The following MAGI2 variants were observed in gnomAD, a reference collection of about 807,000 sequenced individuals.
The protein encoded by MAGI2 is membrane-associated guanylate kinase, WW and PDZ domain-containing protein 2.
Under a neutral mutation model 133.3 loss-of-function variants are expected in MAGI2, and 35 were observed. The observed-to-expected ratio is 0.26, with a 90% CI of 0.20 to 0.35. MAGI2 has a LOEUF of 0.35. Among genes scored for constraint, MAGI2 ranks in the 10% least tolerant of loss-of-function variants. MAGI2 has a pLI of 1.00. For synonymous variants in MAGI2, 729 were observed against 710.6 expected (o/e 1.03, Z -0.41); for missense variants, 1,636 against 1,863.4 (o/e 0.88, Z 2.25).
intron 21 of MAGI2, among the ~76,000 whole-genome samples, chr7:78,055,257 G>C (rs1278554110): frequency 1.3e-5 from 2 of 152,190 alleles, no homozygotes; most frequent in Non-Finnish European, 2.9e-5. Flanking sequence ...AAGGCAAAAA[G>C]AAAGCCATGA....
At chr7:78,076,727 TC>T (rs1815349381) in intron 21 of MAGI2, among the ~76,000 whole-genome samples, 1 of 149,678 alleles carries the variant, frequency 6.7e-6, no homozygotes, top group South Asian at 2.1e-4. Context: ...GCGCCTGTAG[TC>T]CCAGCTACTG....
intron 1 of MAGI2, among the ~76,000 whole-genome samples, chr7:79,242,198 A>G (rs1039905480): frequency 1.8e-4 from 27 of 152,226 alleles, no homozygotes; most frequent in African/African-American, 5.8e-4. Context: ...GCAAAATATA[A>G]GCATGTGAGG....
chr7:79,113,812 A>ACACT (rs1819152650), intron 1 of MAGI2, among the ~76,000 whole-genome samples: 1 of 11,078 alleles, frequency 9.0e-5, no homozygotes, highest in South Asian at 1.3e-3. Flanking sequence ...ACACACGCTT[A>ACACT]CACACACACA....
At chr7:78,955,215 C>T (rs879518235) in intron 2 of MAGI2, among the ~76,000 whole-genome samples, 85 of 151,940 alleles carry the variant, frequency 5.6e-4, no homozygotes, top group Non-Finnish European at 1.1e-3. Flanking sequence ...TGCTTCATTC[C>T]AAATTTTATT....
intron 10 of MAGI2, among the ~76,000 whole-genome samples, chr7:78,238,017 T>G (rs1317840758): frequency 6.6e-6 from 1 of 152,172 alleles, no homozygotes; most frequent in Non-Finnish European, 1.5e-5. Context: ...ACTCAGCACT[T>G]GGCACAACTG....
chr7:78,805,851 C>T (rs1451436089), intron 2 of MAGI2, among the ~76,000 whole-genome samples: 1 of 152,092 alleles, frequency 6.6e-6, no homozygotes, highest in Non-Finnish European at 1.5e-5. Flanking sequence ...AGTGAGCCAC[C>T]TTGGAAGCGG....
chr7:78,236,263 T>G (rs1211085962), intron 10 of MAGI2, among the ~76,000 whole-genome samples: 1 of 152,178 alleles, frequency 6.6e-6, no homozygotes, highest in East Asian at 1.9e-4. Context: ...AACAAAGACT[T>G]GGTACATGAC....
intron 2 of MAGI2, among the ~76,000 whole-genome samples, chr7:78,662,409 G>A (rs953600623): frequency 1.3e-5 from 2 of 151,998 alleles, no homozygotes; most frequent in Non-Finnish European, 2.9e-5. Context: ...ACCAACAATC[G>A]AAACACTAGC....
chr7:78,459,002 G>T (rs901175435), intron 6 of MAGI2, among the ~76,000 whole-genome samples: 1 of 152,196 alleles, frequency 6.6e-6, no homozygotes, highest in Non-Finnish European at 1.5e-5. Context: ...AGTTATGATT[G>T]TCTTTAACTT....
At chr7:78,545,823 G>C (rs1408655436) in intron 3 of MAGI2, among the ~76,000 whole-genome samples, 1 of 152,094 alleles carries the variant, frequency 6.6e-6, no homozygotes, top group Admixed American at 6.6e-5. Context: ...TTTGGATTAT[G>C]ATTTTGTTTG....
intron 1 of MAGI2, among the ~76,000 whole-genome samples, chr7:79,439,417 C>T (rs1848352826): frequency 6.6e-6 from 1 of 152,066 alleles, no homozygotes; most frequent in Non-Finnish European, 1.5e-5. Flanking sequence ...ACTTGGAGCT[C>T]AAATCCAATT....
At chr7:79,014,644 A>C (rs1329295668) in intron 1 of MAGI2, among the ~76,000 whole-genome samples, 1 of 152,116 alleles carries the variant, frequency 6.6e-6, no homozygotes. Flanking sequence ...TTTTAAAACT[A>C]GAGATATACC....
rs562142316 is a variant in MAGI2, at chr7:78,753,222, G to C, written c.419-125983C>G. On this transcript the variant is annotated intron_variant, in intron 2 of 21. Transcript: ENST00000354212. ...GGCAGCTATTATAATTATGATCAAG[G>C]ACATAAAGGAAAATAGTAATCAATA... Among the ~76,000 whole-genome samples, 13 of 151,590 alleles carry C rather than the reference G, an allele frequency of 8.6e-5. No homozygotes were observed. In the South Asian group the frequency reaches 2.7e-3, roughly 32 times the overall value.
At chr7:78,999,161 A>C (rs1284213957) in intron 2 of MAGI2, among the ~76,000 whole-genome samples, 2 of 152,180 alleles carry the variant, frequency 1.3e-5, no homozygotes, top group Non-Finnish European at 2.9e-5. Context: ...CTATGAAAAA[A>C]AGGAAAGAGA....
chr7:78,555,754 AT>A (rs534140594), intron 3 of MAGI2, among the ~76,000 whole-genome samples: 1,707 of 152,272 alleles, frequency 0.011, 27 homozygotes, highest in Non-Finnish European at 0.016. Flanking sequence ...TCATGGATGG[AT>A]TTTAGTCAAT....
chr7:78,294,060 T>C (rs1796986439), intron 9 of MAGI2, among the ~76,000 whole-genome samples: 1 of 146,586 alleles, frequency 6.8e-6, no homozygotes, highest in Non-Finnish European at 1.5e-5. Flanking sequence ...ACATGTACCC[T>C]AGAATTTAAA....
chr7:79,264,366 G>A (rs1042444639), intron 1 of MAGI2, among the ~76,000 whole-genome samples: 1 of 152,108 alleles, frequency 6.6e-6, no homozygotes, highest in Non-Finnish European at 1.5e-5. Flanking sequence ...GGGTTTTTTG[G>A]TAGGAAATTA....
chr7:78,160,826 C>A (rs1289020758), intron 15 of MAGI2, among the ~76,000 whole-genome samples: 3 of 152,144 alleles, frequency 2.0e-5, no homozygotes, highest in Non-Finnish European at 4.4e-5. Context: ...AGCACAGGTG[C>A]CATCCATGTA....
intron 6 of MAGI2, among the ~76,000 whole-genome samples, chr7:78,399,395 C>CA (rs1051376971): frequency 6.6e-6 from 1 of 152,186 alleles, no homozygotes; most frequent in African/African-American, 2.4e-5. Flanking sequence ...GTGAAATGCA[C>CA]AAAAATGTTT....
Sources: gnomAD v4.1 joint callset for allele counts (sites outside exome capture counted in the v4.1 genomes callset) on GRCh38, gnomAD v4.1.1 for gene constraint, MANE v1.5 for transcripts, NCBI Gene and HGNC (gene_info 2026-07-23, HGNC 2026-07-21) for gene names.